DPP10: variants seen among roughly 807,000 people sequenced by gnomAD.
DPP10 encodes the protein dipeptidyl peptidase like 10, also known as inactive dipeptidyl peptidase 10.
In DPP10, 33 loss-of-function variants were observed where a neutral mutation model predicts 120.9. That is an observed-to-expected ratio of 0.27 (90% CI 0.21 to 0.37). DPP10 has a LOEUF of 0.37. DPP10 is among the 10% of genes least tolerant of loss of function. DPP10 has a pLI of 1.00. For synonymous variants in DPP10, 337 were observed against 326.1 expected (o/e 1.03, Z -0.36); for missense variants, 816 against 942.8 (o/e 0.87, Z 1.76).
chr2:114,627,767 T>C (rs1405362504), intron 1 of DPP10, among the ~76,000 whole-genome samples: 1 of 152,104 alleles, frequency 6.6e-6, no homozygotes, highest in Non-Finnish European at 1.5e-5. Context: ...CTAGGTAGCA[T>C]TTTGAATTTA....
intron 1 of DPP10, among the ~76,000 whole-genome samples, chr2:114,676,175 T>A (rs1698661062): frequency 6.6e-6 from 1 of 152,156 alleles, no homozygotes. Flanking sequence ...AATCCCTATA[T>A]GACTGTAATA....
chr2:114,819,361 C>T (rs1011382471), intron 1 of DPP10, among the ~76,000 whole-genome samples: 1 of 152,138 alleles, frequency 6.6e-6, no homozygotes, highest in Non-Finnish European at 1.5e-5. Flanking sequence ...CTCTGTGATC[C>T]TCAGTTTTCT....
chr2:115,840,466 A>G (rs146948423), intron 24 of DPP10, among the ~76,000 whole-genome samples: 45 of 151,446 alleles, frequency 3.0e-4, no homozygotes, highest in African/African-American at 9.9e-4. Flanking sequence ...CTGGGACTAC[A>G]GGTGCCCGCC....
chr2:115,387,239 G>A (rs2067008531), intron 3 of DPP10, among the ~76,000 whole-genome samples: 1 of 152,152 alleles, frequency 6.6e-6, no homozygotes, highest in Non-Finnish European at 1.5e-5. Flanking sequence ...CAATGGAGAT[G>A]GGGGTGAGGG....
At chr2:114,997,282 G>T (rs553784376) in intron 1 of DPP10, among the ~76,000 whole-genome samples, 33 of 145,188 alleles carry the variant, frequency 2.3e-4, no homozygotes, top group Non-Finnish European at 3.7e-4. Flanking sequence ...GAGGTCAAAA[G>T]ATAGAGACCA....
chr2:115,759,395 A>C (rs13026711), intron 11 of DPP10, among the ~76,000 whole-genome samples: 3 of 149,136 alleles, frequency 2.0e-5, no homozygotes, highest in African/African-American at 7.6e-5. Flanking sequence ...CCATTTCTAT[A>C]TAAAAAAAAA....
chr2:115,769,564 T>C (rs2149816408), intron 13 of DPP10, among the ~76,000 whole-genome samples: 1 of 152,180 alleles, frequency 6.6e-6, no homozygotes, highest in East Asian at 1.9e-4. Context: ...AGATGTAGAT[T>C]GATTTTCATA....
At chr2:115,470,835 A>G (rs2074662632) in intron 3 of DPP10, among the ~76,000 whole-genome samples, 2 of 152,066 alleles carry the variant, frequency 1.3e-5, no homozygotes, top group Non-Finnish European at 2.9e-5. Context: ...CATCTCTTAC[A>G]TTTACAAATG....
chr2:115,766,326 G>GTATATA (rs1553502949), intron 12 of DPP10, among the ~76,000 whole-genome samples: 2 of 50,310 alleles, frequency 4.0e-5, no homozygotes, highest in African/African-American at 1.3e-4. Context: ...ATATATATAT[G>GTATATA]TATATATATA....
chr2:114,744,865 G>GA (rs753105888), intron 1 of DPP10, among the ~76,000 whole-genome samples: 2 of 152,082 alleles, frequency 1.3e-5, no homozygotes, highest in African/African-American at 4.8e-5. Context: ...AGGTTCAAGC[G>GA]ATTCTCCTGC....
At chr2:115,074,814 G>A (rs1390147036) in intron 1 of DPP10, among the ~76,000 whole-genome samples, 1 of 152,128 alleles carries the variant, frequency 6.6e-6, no homozygotes. Context: ...TATTTTAGAG[G>A]TGAAATCAAT....
Position 114,916,692 on chromosome 2 carries a change from T to C in DPP10, c.61-392547T>C, listed in dbSNP as rs1266572314. Among the ~76,000 whole-genome samples, 10 of 152,316 alleles carry C rather than the reference T, an allele frequency of 6.6e-5. No homozygotes were observed. The East Asian group carries it at 1.9e-3, about 29-fold the overall frequency. ...AACATATGCAAATAAATAAACGTGA[T>C]TCATCACATAAAGAGAACTTAAAAA... On this transcript the variant is annotated intron_variant, in intron 1 of 25. Coordinates refer to ENST00000410059, the MANE Select transcript of DPP10 (RefSeq NM_020868.6).
chr2:115,522,396 TG>T (rs1355395188), intron 4 of DPP10, among the ~76,000 whole-genome samples: 1 of 152,212 alleles, frequency 6.6e-6, no homozygotes, highest in African/African-American at 2.4e-5. Flanking sequence ...TTCCCAACTT[TG>T]TAGCACCTTC....
intron 1 of DPP10, among the ~76,000 whole-genome samples, chr2:114,845,987 AT>A (rs538152269): frequency 1.5e-4 from 23 of 149,876 alleles, no homozygotes; most frequent in African/African-American, 3.9e-4. Flanking sequence ...CTTACTGCAG[AT>A]TTTTTTTTTC....
At chr2:115,794,891 C>T (rs962134859) in intron 19 of DPP10, among the ~76,000 whole-genome samples, 1 of 152,110 alleles carries the variant, frequency 6.6e-6, no homozygotes, top group Non-Finnish European at 1.5e-5. Context: ...ATACCATACA[C>T]GTCTACCACA....
intron 5 of DPP10, among the ~76,000 whole-genome samples, chr2:115,683,942 G>A (rs1336671972): frequency 6.6e-6 from 1 of 151,516 alleles, no homozygotes; most frequent in Non-Finnish European, 1.5e-5. Flanking sequence ...ACTTATTTCG[G>A]TATAAATAAA....
At position 115,124,584 on chromosome 2, in the gene DPP10, A is replaced by G. The variant is rs369676550; in HGVS notation, c.61-184655A>G. ...GAATACTTTCTCAGGGCCATTTACTATGTGACATTATTATGTGACCACTCA... is the reference window on the plus strand; with the variant it reads ...GAATACTTTCTCAGGGCCATTTACTGTGTGACATTATTATGTGACCACTCA... On this transcript the variant is annotated intron_variant, in intron 1 of 25. Coordinates refer to ENST00000410059, the MANE Select transcript of DPP10 (RefSeq NM_020868.6). 5.0e-4 allele frequency among the ~76,000 whole-genome samples: 76 copies of G among 152,282 alleles called. 1 individual carries two copies. The South Asian group carries it at 0.015, about 31-fold the overall frequency.
chr2:115,330,378 G>T (rs1314540850), intron 2 of DPP10, among the ~76,000 whole-genome samples: 2 of 151,172 alleles, frequency 1.3e-5, no homozygotes, highest in Non-Finnish European at 3.0e-5. Context: ...CTCCCATTCT[G>T]TAGGTTGCCT....
At chr2:115,435,452 G>A (rs1471250377) in intron 3 of DPP10, among the ~76,000 whole-genome samples, 1 of 151,746 alleles carries the variant, frequency 6.6e-6, no homozygotes, top group African/African-American at 2.4e-5. Flanking sequence ...GATTAGTGAT[G>A]TTCAACATTT....
Sources: allele counts gnomAD v4.1 joint callset (sites outside exome capture counted in the v4.1 genomes callset), GRCh38; gene constraint gnomAD v4.1.1; transcripts MANE v1.5; gene names NCBI Gene and HGNC (gene_info 2026-07-23, HGNC 2026-07-21).